FER1L6: variants seen among roughly 807,000 people sequenced by gnomAD.
FER1L6 encodes the protein fer-1-like protein 6.
FER1L6 carries 177 observed loss-of-function variants against 219.2 expected under a neutral mutation model. The ratio of observed to expected loss-of-function variants is 0.81; its 90% CI spans 0.71 to 0.91. FER1L6 has a LOEUF of 0.91. Ranked by LOEUF, FER1L6 falls within the 40% of genes least tolerant of loss-of-function variation. The pLI, the probability that FER1L6 is intolerant of heterozygous loss-of-function variation, is 0.00. For missense variants in FER1L6, 2,153 were observed against 2,259.9 expected (o/e 0.95, Z 0.96); for synonymous variants, 768 against 824.3 (o/e 0.93, Z 1.17).
chr8:124,022,780 A>T (rs1266513455), intron 17 of FER1L6, among the ~76,000 whole-genome samples: 2 of 151,786 alleles, frequency 1.3e-5, no homozygotes, highest in African/African-American at 4.8e-5. Context: ...TTGGAAAAAA[A>T]ATCCATGGGA....
At chr8:124,110,915 C>T (rs1381068703) in intron 39 of FER1L6, among the ~76,000 whole-genome samples, 1 of 151,926 alleles carries the variant, frequency 6.6e-6, no homozygotes. Context: ...GTCGTTTAAT[C>T]AGTCTTCTCA....
chr8:124,105,604 C>T (rs569530153), intron 39 of FER1L6, among the ~76,000 whole-genome samples: 126 of 152,278 alleles, frequency 8.3e-4, no homozygotes, highest in Non-Finnish European at 1.5e-3. Context: ...GTTACTGTGT[C>T]AAGTGCTCCT....
intron 1 of FER1L6, among the ~76,000 whole-genome samples, chr8:123,885,320 T>A (rs146750360): frequency 1.3e-5 from 2 of 152,328 alleles, no homozygotes; most frequent in African/African-American, 4.8e-5. Context: ...TCTTCTTGCC[T>A]CACCCTTCTG....
intron 22 of FER1L6, among the ~76,000 whole-genome samples, chr8:124,051,249 T>A (rs1193124149): frequency 6.6e-6 from 1 of 152,164 alleles, no homozygotes; most frequent in African/African-American, 2.4e-5. Context: ...AAACATTTAT[T>A]GTTTAAACTA....
chr8:123,935,947 C>CA (rs35857676), intron 1 of FER1L6, among the ~76,000 whole-genome samples: 62,765 of 142,948 alleles, frequency 0.44, 14,030 homozygotes, highest in African/African-American at 0.58. Context: ...CTGGCTAATG[C>CA]AAAAAAAAAA....
At position 123,969,895 on chromosome 8, in the gene FER1L6, A is replaced by T. The variant is rs1586533743; in HGVS notation, c.385-140A>T. On this transcript the variant is annotated intron_variant, in intron 5 of 40. Transcript: ENST00000522917. The stretch of plus-strand genomic sequence containing the variant: ...AAAAAAAAAAAAAAAAAGAGAATTG[A>T]CAATTGACAATCAATTGATGATGTA... 18 of 621,584 alleles carry T rather than the reference A, an allele frequency of 2.9e-5. No individual in the cohort carries two copies. In the East Asian group the frequency reaches 5.1e-4, roughly 18 times the overall value. 38.5% of individuals were successfully genotyped at this position (621,584 alleles called of 1,614,324 possible).
intron 1 of FER1L6, among the ~76,000 whole-genome samples, chr8:123,941,267 C>A (rs1330398100): frequency 6.6e-6 from 1 of 152,096 alleles, no homozygotes; most frequent in Non-Finnish European, 1.5e-5. Flanking sequence ...AACCAGGGTA[C>A]CTGGTTAGTC....
intron 1 of FER1L6, among the ~76,000 whole-genome samples, chr8:123,904,446 C>A (rs1030537349): frequency 1.3e-5 from 2 of 152,036 alleles, no homozygotes; most frequent in East Asian, 3.8e-4. Flanking sequence ...AAAAGTGGAG[C>A]CCTGGCCAAG....
At chr8:124,023,742 G>A in intron 18 of FER1L6, 146 bp downstream of exon 18, 1 of 774,906 alleles carries the variant, frequency 1.3e-6, no homozygotes, top group Non-Finnish European at 1.9e-6. Context: ...GTGCCTCTTG[G>A]TTCAAATTGC....
intron 18 of FER1L6, among the ~76,000 whole-genome samples, chr8:124,024,878 G>T (rs1005096037): frequency 3.3e-5 from 5 of 152,024 alleles, no homozygotes. Flanking sequence ...ATTGTTTTTT[G>T]ACTTTTTAAT....
At chr8:124,037,408 C>T (rs1819268951) in intron 19 of FER1L6, among the ~76,000 whole-genome samples, 1 of 152,180 alleles carries the variant, frequency 6.6e-6, no homozygotes, top group Admixed American at 6.5e-5. Context: ...TTTACTGTTG[C>T]CATTTTAAGG....
At chr8:123,859,088 C>T (rs1816700024) in intron 1 of FER1L6, among the ~76,000 whole-genome samples, 1 of 152,104 alleles carries the variant, frequency 6.6e-6, no homozygotes, top group Non-Finnish European at 1.5e-5. Context: ...CAACCTCTGC[C>T]TCCTGGACTC....
At chr8:124,040,095 G>A (rs565832864) in intron 20 of FER1L6, 89 bp downstream of exon 20, 3 of 1,538,350 alleles carry the variant, frequency 2.0e-6, no homozygotes, top group East Asian at 2.3e-5. Context: ...ACGGGGGCAT[G>A]TTGCAAATAC....
At chr8:124,104,995 C>T (rs1380349307) in intron 39 of FER1L6, among the ~76,000 whole-genome samples, 1 of 152,130 alleles carries the variant, frequency 6.6e-6, no homozygotes, top group Non-Finnish European at 1.5e-5. Context: ...CATGCAAAAC[C>T]ACAGCTAGCT....
At chr8:124,040,891 A>G (rs910287329) in intron 20 of FER1L6, 2 of 152,260 alleles carry the variant, frequency 1.3e-5, no homozygotes, top group South Asian at 2.1e-4. Context: ...GCCTCTCAAT[A>G]CTGTGACATT....
At chr8:124,075,089 C>T (rs1367572829) in intron 31 of FER1L6, among the ~76,000 whole-genome samples, 1 of 152,150 alleles carries the variant, frequency 6.6e-6, no homozygotes, top group Non-Finnish European at 1.5e-5. Flanking sequence ...ACACTGTACA[C>T]TTAGGCTACA....
At chr8:123,880,726 A>G (rs1215237717) in intron 1 of FER1L6, among the ~76,000 whole-genome samples, 2 of 152,216 alleles carry the variant, frequency 1.3e-5, no homozygotes, top group African/African-American at 4.8e-5. Context: ...AGGGAAAGGA[A>G]ATGGAATGGT....
chr8:123,884,394 C>A (rs2129673597), intron 1 of FER1L6, among the ~76,000 whole-genome samples: 1 of 152,314 alleles, frequency 6.6e-6, no homozygotes, highest in Admixed American at 6.5e-5. Context: ...AGGTCCTCTG[C>A]CCCAAAGTCA....
Position 124,070,615 on chromosome 8 carries a change from A to C in FER1L6, c.3966+17A>C. The C allele has an allele frequency of 6.4e-7, 1 of 1,560,476 alleles. No individual in the cohort carries two copies. The highest frequency in any genetic ancestry group is 8.6e-7 in the Non-Finnish European group (1 of 1,157,888). ...AAATTTAAGGCAGGTTCCATTTTTA[A>C]TCCTTTTATTTGGCTCTCCCTGTCC... On this transcript the variant is annotated intron_variant, in intron 30 of 40. Transcript: ENST00000522917.
Sources: allele counts gnomAD v4.1 joint callset (sites outside exome capture counted in the v4.1 genomes callset), GRCh38; gene constraint gnomAD v4.1.1; transcripts MANE v1.5; gene names NCBI Gene and HGNC (gene_info 2026-07-23, HGNC 2026-07-21).